The following RAP1GAP2 variants were observed in gnomAD, a reference collection of about 807,000 sequenced individuals.
The protein encoded by RAP1GAP2 is rap1 GTPase-activating protein 2.
A neutral mutation model predicts 95.0 loss-of-function variants in RAP1GAP2; 27 were observed. The observed-to-expected ratio is 0.28, with a 90% confidence interval of 0.21 to 0.39. The LOEUF (loss-of-function observed/expected upper bound fraction) is 0.39. RAP1GAP2 is among the 10% of genes least tolerant of loss of function. The pLI is 1.00. For synonymous variants in RAP1GAP2, 373 were observed against 380.9 expected (o/e 0.98, Z 0.24); for missense variants, 771 against 970.0 (o/e 0.79, Z 2.72).
chr17:2,943,510 T>TA (rs1329060019), intron 3 of RAP1GAP2, among the ~76,000 whole-genome samples: 1 of 151,550 alleles, frequency 6.6e-6, no homozygotes, highest in Non-Finnish European at 1.5e-5. Context: ...CTGTCTCTAC[T>TA]AAAAATTAGC....
chr17:3,024,528 C>G (rs780816454), intron 19 of RAP1GAP2, among the ~76,000 whole-genome samples: 2 of 152,154 alleles, frequency 1.3e-5, no homozygotes, highest in Non-Finnish European at 2.9e-5. Context: ...TATGACCAAG[C>G]AATTCCGCTC....
intron 3 of RAP1GAP2, among the ~76,000 whole-genome samples, chr17:2,946,562 A>T (rs1405491141): frequency 6.6e-6 from 1 of 152,114 alleles, no homozygotes; most frequent in African/African-American, 2.4e-5. Context: ...GTCCTATAAA[A>T]ACCCAACCAT....
At chr17:2,996,057 G>A (rs1427346335) in intron 13 of RAP1GAP2, among the ~76,000 whole-genome samples, 1 of 152,190 alleles carries the variant, frequency 6.6e-6, no homozygotes, top group Admixed American at 6.5e-5. Context: ...CTATAGAACA[G>A]CTGTTCACTG....
intron 10 of RAP1GAP2, among the ~76,000 whole-genome samples, chr17:2,982,987 A>G (rs954648585): frequency 1.3e-5 from 2 of 152,214 alleles, no homozygotes; most frequent in Admixed American, 6.5e-5. Flanking sequence ...TCTCCCTGGC[A>G]GGGCAGCTGT....
intron 2 of RAP1GAP2, among the ~76,000 whole-genome samples, chr17:2,853,392 A>G (rs2071966850): frequency 6.6e-6 from 1 of 151,638 alleles, no homozygotes; most frequent in Non-Finnish European, 1.5e-5. Context: ...TCTGTTTTAA[A>G]AGCAGTGACA....
At chr17:2,791,679 G>A (rs541235821), upstream of RAP1GAP2, among the ~76,000 whole-genome samples, 5 of 152,078 alleles carry the variant, frequency 3.3e-5, no homozygotes, top group African/African-American at 9.6e-5. Context: ...GCTTTGGTCC[G>A]CGCTGGCCCA....
At chr17:2,925,444 A>G (rs1597625041) in intron 3 of RAP1GAP2, among the ~76,000 whole-genome samples, 3 of 152,290 alleles carry the variant, frequency 2.0e-5, no homozygotes, top group Middle Eastern at 6.8e-3. Flanking sequence ...AGAAGAGCGA[A>G]GGAGGAGCTT....
chr17:2,879,672 G>T (rs980501993), intron 2 of RAP1GAP2, among the ~76,000 whole-genome samples: 50 of 151,276 alleles, frequency 3.3e-4, no homozygotes, highest in African/African-American at 1.1e-3. Flanking sequence ...GTTGCAGTGA[G>T]CTGAGATCGC....
intron 8 of RAP1GAP2, among the ~76,000 whole-genome samples, chr17:2,978,086 T>G (rs1347251156): frequency 2.0e-5 from 3 of 152,216 alleles, no homozygotes; most frequent in Non-Finnish European, 4.4e-5. Flanking sequence ...GCATAACTTT[T>G]GCAGTTTGAG....
At chr17:2,816,230 TGTTTTG>T (rs1567674132) in intron 2 of RAP1GAP2, among the ~76,000 whole-genome samples, 1 of 150,654 alleles carries the variant, frequency 6.6e-6, no homozygotes. Context: ...GGTGCTGTTT[TGTTTTG>T]TTTTTTTTTT....
At chr17:2,805,458 C>T (rs920764840) in intron 2 of RAP1GAP2, among the ~76,000 whole-genome samples, 3 of 152,116 alleles carry the variant, frequency 2.0e-5, no homozygotes, top group Non-Finnish European at 2.9e-5. Context: ...TGGGTTCAAG[C>T]GATTCTCCCA....
In RAP1GAP2 at chr17:2,979,913, G is replaced by GT. The variant is rs146154406; in HGVS notation, c.597-374_597-373insT. On this transcript the variant is annotated intron_variant, in intron 8 of 24. Coordinates refer to ENST00000254695, the MANE Select transcript of RAP1GAP2 (RefSeq NM_015085.5). ...CAGTGTCCTATGTGCTGTGATCTCG[G>GT]CCACCTTCCTCTTGGACTGTTTCTT... 9.2e-3 allele frequency among the ~76,000 whole-genome samples: 1,394 copies of GT among 151,926 alleles called. 26 individuals are homozygous for GT. The highest frequency in any genetic ancestry group is 0.032 in the African/African-American group (1,318 of 41,488).
In RAP1GAP2 at chr17:3,003,371, T is replaced by TC. The variant is rs2046228966; in HGVS notation, c.1201-1992dup. On this transcript the variant is annotated intron_variant, in intron 14 of 24. Transcript: ENST00000254695. This position sits in a 1 kb window ranked among gnomAD's most constrained non-coding sequence, Gnocchi z 4.1. ...CCATCACCAGGACTACCCCTTTCCC[T>TC]CCCCCCTATCCCTGCCTCCCTCTCC... Among the ~76,000 whole-genome samples the TC allele has an allele frequency of 1.3e-5, 2 of 151,690 alleles. No homozygotes were observed. Among genetic ancestry groups the TC allele is most frequent in the African/African-American group, 4.9e-5 (2 of 41,130 alleles).
At chr17:2,778,700 T>C (rs2068565855) in intron 1 of RAP1GAP2, among the ~76,000 whole-genome samples, 1 of 152,188 alleles carries the variant, frequency 6.6e-6, no homozygotes. Context: ...CTCCATCACC[T>C]ACTGCTGTGG....
chr17:2,846,188 A>G (rs1194705891), intron 2 of RAP1GAP2, among the ~76,000 whole-genome samples: 1 of 139,166 alleles, frequency 7.2e-6, no homozygotes, highest in Non-Finnish European at 1.6e-5. Flanking sequence ...GTCTCAATTG[A>G]AAAAAAAAAA....
chr17:2,765,436 G>A (rs947883285), intron 1 of RAP1GAP2, among the ~76,000 whole-genome samples: 1 of 151,868 alleles, frequency 6.6e-6, no homozygotes, highest in Admixed American at 6.6e-5. Flanking sequence ...GCAACATATT[G>A]AGACCCTGTT....
intron 2 of RAP1GAP2, among the ~76,000 whole-genome samples, chr17:2,822,348 G>A (rs1389825343): frequency 6.6e-6 from 1 of 152,168 alleles, no homozygotes; most frequent in African/African-American, 2.4e-5. Flanking sequence ...TAGGCTGGGC[G>A]CCGTGGTTCA....
intron 1 of RAP1GAP2, among the ~76,000 whole-genome samples, chr17:2,777,571 G>A (rs528943357): frequency 6.6e-6 from 1 of 152,240 alleles, no homozygotes; most frequent in Admixed American, 6.5e-5. Flanking sequence ...TCAGGGGTCC[G>A]TGTAGACTGT....
At chr17:2,920,658 C>T (rs28633924) in intron 3 of RAP1GAP2, among the ~76,000 whole-genome samples, 4 of 152,144 alleles carry the variant, frequency 2.6e-5, no homozygotes, top group Non-Finnish European at 5.9e-5. Context: ...AGGAAGCAGG[C>T]GGACGAGGGC....
Sources: allele counts gnomAD v4.1 joint callset (sites outside exome capture counted in the v4.1 genomes callset), GRCh38; gene constraint gnomAD v4.1.1; non-coding constraint Gnocchi (gnomAD v3.1); transcripts MANE v1.5; gene names NCBI Gene and HGNC (gene_info 2026-07-23, HGNC 2026-07-21).